CSMD1: variants seen among roughly 807,000 people sequenced by gnomAD.
The protein encoded by CSMD1 is CUB and Sushi multiple domains 1.
Under a neutral mutation model 417.5 loss-of-function variants are expected in CSMD1, and 213 were observed. The ratio of observed to expected loss-of-function variants is 0.51; its 90% CI spans 0.46 to 0.57. CSMD1 has a LOEUF of 0.57. Ranked by LOEUF, CSMD1 falls within the 20% of genes least tolerant of loss-of-function variation. The probability of loss-of-function intolerance (pLI) is 0.00; values close to 1 mark genes in which losing one functional copy is unlikely to be tolerated. For missense variants in CSMD1, 6,923 were observed against 4,529.7 expected, an observed-to-expected ratio of 1.53 and a Z score of -15.17; for synonymous variants, 2,862 against 1,736.8, an observed-to-expected ratio of 1.65 and a Z score of -16.11.
chr8:3,909,199 C>G (rs1302758558), intron 5 of CSMD1, among the ~76,000 whole-genome samples: 5 of 152,158 alleles, frequency 3.3e-5, no homozygotes, highest in Non-Finnish European at 5.9e-5. Context: ...GTGGATGTGA[C>G]AGGCTGAGAC....
intron 39 of CSMD1, among the ~76,000 whole-genome samples, chr8:3,157,204 T>C (rs892181301): frequency 4.6e-5 from 7 of 151,980 alleles, no homozygotes; most frequent in African/African-American, 1.7e-4. Flanking sequence ...CTACAACAAA[T>C]AGGTGATGGG....
intron 4 of CSMD1, among the ~76,000 whole-genome samples, chr8:4,007,153 T>C (rs565276309): frequency 1.3e-5 from 2 of 152,272 alleles, no homozygotes; most frequent in African/African-American, 4.8e-5. Flanking sequence ...TTTTACTATT[T>C]CTCAGTGAAA....
chr8:4,334,677 A>G lies in CSMD1; in HGVS notation c.415+85276T>C, dbSNP rs113982984. 5.5e-3 allele frequency among the ~76,000 whole-genome samples: 844 copies of G among 152,242 alleles called. 8 individuals carry two copies. Among genetic ancestry groups the G allele is most frequent in the African/African-American group, 0.019 (805 of 41,536 alleles). ...ATGGTTAGAGAAGCTGTAAATCCTC[A>G]AAGCCTATACTGCCCAATTCTTACC... On this transcript the variant is annotated intron_variant, in intron 3 of 69. Transcript: ENST00000635120.
chr8:3,771,796 G>A (rs954861627), intron 5 of CSMD1, among the ~76,000 whole-genome samples: 1 of 152,054 alleles, frequency 6.6e-6, no homozygotes, highest in African/African-American at 2.4e-5. Flanking sequence ...AAGAACTCTG[G>A]GAACCCTTTA....
At chr8:4,348,018 T>C (rs1436559189) in intron 3 of CSMD1, among the ~76,000 whole-genome samples, 1 of 151,898 alleles carries the variant, frequency 6.6e-6, no homozygotes, top group Admixed American at 6.6e-5. Context: ...ACTATATGCA[T>C]AAAGAGGAAA....
At chr8:3,997,296 T>C (rs563594331) in intron 5 of CSMD1, among the ~76,000 whole-genome samples, 2 of 152,322 alleles carry the variant, frequency 1.3e-5, no homozygotes, top group Non-Finnish European at 2.9e-5. Context: ...CACTCCTAAA[T>C]AGGCGGTACT....
chr8:4,066,939 T>C (rs879545739), intron 3 of CSMD1, among the ~76,000 whole-genome samples: 2 of 152,240 alleles, frequency 1.3e-5, no homozygotes, highest in Non-Finnish European at 2.9e-5. Flanking sequence ...CTATTTGTAT[T>C]GTGTAAATAC....
intron 7 of CSMD1, among the ~76,000 whole-genome samples, chr8:3,684,935 G>C (rs747514225): frequency 6.6e-6 from 1 of 152,130 alleles, no homozygotes; most frequent in Non-Finnish European, 1.5e-5. Flanking sequence ...CTTGGCCAAA[G>C]TGGACAATTA....
At chr8:4,757,148 A>G (rs965355190) in intron 1 of CSMD1, among the ~76,000 whole-genome samples, 12 of 152,366 alleles carry the variant, frequency 7.9e-5, no homozygotes, top group Admixed American at 7.8e-4. Context: ...AGATGCGAAT[A>G]ACCAGATTTC....
intron 2 of CSMD1, among the ~76,000 whole-genome samples, chr8:4,430,678 T>C (rs1207430805): frequency 6.6e-6 from 1 of 152,156 alleles, no homozygotes; most frequent in Non-Finnish European, 1.5e-5. Context: ...ATAATTACAG[T>C]GTCTGTAATA....
intron 37 of CSMD1, among the ~76,000 whole-genome samples, chr8:3,167,071 G>A (rs1563103594): frequency 6.6e-6 from 1 of 152,286 alleles, no homozygotes; most frequent in African/African-American, 2.4e-5. Context: ...TGGATCACAA[G>A]GTCAAGAGTT....
chr8:3,643,704 A>G (rs1192515676), intron 7 of CSMD1, among the ~76,000 whole-genome samples: 7 of 62,010 alleles, frequency 1.1e-4, no homozygotes, highest in African/African-American at 3.0e-4. Flanking sequence ...CCGTCTCAAA[A>G]AAAAAAAAAA....
chr8:3,528,270 G>C (rs73503685), intron 10 of CSMD1, among the ~76,000 whole-genome samples: 4,960 of 152,284 alleles, frequency 0.033, 283 homozygotes, highest in African/African-American at 0.11. Context: ...CAAATCACCA[G>C]GTTCTTGTAT....
intron 3 of CSMD1, among the ~76,000 whole-genome samples, chr8:4,365,508 AG>A (rs1284602834): frequency 6.6e-6 from 1 of 152,216 alleles, no homozygotes; most frequent in Non-Finnish European, 1.5e-5. Context: ...CTACGAATCC[AG>A]GCGTTGTGAT....
chr8:3,072,780 T>A (rs1420374702), intron 49 of CSMD1, among the ~76,000 whole-genome samples: 2 of 152,180 alleles, frequency 1.3e-5, no homozygotes, highest in Non-Finnish European at 2.9e-5. Context: ...TCGTATTGGT[T>A]AGCACAGCTT....
chr8:4,512,231 A>G (rs867885301), intron 2 of CSMD1, among the ~76,000 whole-genome samples: 2 of 152,212 alleles, frequency 1.3e-5, no homozygotes, highest in Non-Finnish European at 2.9e-5. Context: ...ACAAAATCCA[A>G]TACATATTTA....
At chr8:3,176,747 C>A in intron 37 of CSMD1, among the ~76,000 whole-genome samples, 1 of 151,750 alleles carries the variant, frequency 6.6e-6, no homozygotes, top group African/African-American at 2.4e-5. Flanking sequence ...CTGGTGACCT[C>A]ATTTCCTTTT....
chr8:4,620,387 A>T (rs899657840), intron 2 of CSMD1, among the ~76,000 whole-genome samples: 1 of 151,762 alleles, frequency 6.6e-6, no homozygotes, highest in African/African-American at 2.4e-5. Flanking sequence ...AAATATAAGG[A>T]ATTTGAGTTT....
At chr8:3,743,476 C>A (rs1430167157) in intron 6 of CSMD1, among the ~76,000 whole-genome samples, 4 of 152,112 alleles carry the variant, frequency 2.6e-5, no homozygotes, top group Non-Finnish European at 1.5e-5. Flanking sequence ...TTGATATTGA[C>A]TTAGAAGACT....
Sources: gnomAD v4.1 joint callset for allele counts (sites outside exome capture counted in the v4.1 genomes callset) on GRCh38, gnomAD v4.1.1 for gene constraint, MANE v1.5 for transcripts, NCBI Gene and HGNC (gene_info 2026-07-23, HGNC 2026-07-21) for gene names.